NKAIN2: variants seen among roughly 807,000 people sequenced by gnomAD.
NKAIN2 encodes the protein sodium/potassium-transporting ATPase subunit beta-1-interacting protein 2.
A neutral mutation model predicts 32.6 loss-of-function variants in NKAIN2; 14 were observed. The ratio of observed to expected loss-of-function variants is 0.43; its 90% CI spans 0.28 to 0.67. NKAIN2 has a LOEUF of 0.67. Ranked by LOEUF, NKAIN2 falls within the 30% of genes least tolerant of loss-of-function variation. The pLI is 0.17. For synonymous variants in NKAIN2, 80 were observed against 87.2 expected, an observed-to-expected ratio of 0.92 and a Z score of 0.46; for missense variants, 198 against 258.3, an observed-to-expected ratio of 0.77 and a Z score of 1.60.
intron 1 of NKAIN2, among the ~76,000 whole-genome samples, chr6:124,041,223 T>C (rs1378654974): frequency 2.0e-5 from 3 of 152,000 alleles, no homozygotes; most frequent in Admixed American, 6.6e-5. Context: ...ATCACTCCTG[T>C]AAACATTATC....
rs574913211 is a variant in NKAIN2, at chr6:123,954,237, A to G, written c.54+149983A>G. ...TTCAATACGGTGCCTTGCTGTAGCTATTTAGGACTCGGGGTGTGTGTGGGA... is the reference window on the plus strand; with the variant it reads ...TTCAATACGGTGCCTTGCTGTAGCTGTTTAGGACTCGGGGTGTGTGTGGGA... On this transcript the variant is annotated intron_variant, in intron 1 of 6. Coordinates refer to ENST00000368417, the MANE Select transcript of NKAIN2 (RefSeq NM_001040214.3). Among the ~76,000 whole-genome samples the G allele has an allele frequency of 4.6e-5, 7 of 152,284 alleles. No individual in the cohort carries two copies. The East Asian group carries it at 9.7e-4, about 21-fold the overall frequency.
chr6:124,418,925 C>T (rs1182444603), intron 3 of NKAIN2, among the ~76,000 whole-genome samples: 2 of 152,050 alleles, frequency 1.3e-5, no homozygotes, highest in Non-Finnish European at 2.9e-5. Flanking sequence ...TCTCAGGGGA[C>T]TTTACATCTT....
chr6:124,239,764 A>G (rs541608207), intron 1 of NKAIN2, among the ~76,000 whole-genome samples: 89 of 152,358 alleles, frequency 5.8e-4, no homozygotes, highest in African/African-American at 2.1e-3. Context: ...AGGGAAATTT[A>G]TAGCACTAAA....
chr6:123,954,066 C>G (rs796362720), intron 1 of NKAIN2, among the ~76,000 whole-genome samples: 1 of 152,316 alleles, frequency 6.6e-6, no homozygotes, highest in East Asian at 1.9e-4. Flanking sequence ...GGCCCATGCT[C>G]CAATGACTCA....
chr6:123,978,408 T>G (rs565616653), intron 1 of NKAIN2, among the ~76,000 whole-genome samples: 2 of 152,302 alleles, frequency 1.3e-5, no homozygotes, highest in African/African-American at 4.8e-5. Context: ...GTCAATTAAA[T>G]GTCATACTTT....
At chr6:124,641,148 G>A (rs536765469) in intron 3 of NKAIN2, among the ~76,000 whole-genome samples, 1 of 152,252 alleles carries the variant, frequency 6.6e-6, no homozygotes, top group South Asian at 2.1e-4. Context: ...GTTTGAAAAG[G>A]AATGGAATTA....
rs565664597 is a variant in NKAIN2, at chr6:123,804,032, G to C, written c.-169G>C. On this transcript the variant is annotated 5_prime_UTR_variant, in exon 1 of 7. Coordinates refer to ENST00000368417, the MANE Select transcript of NKAIN2 (RefSeq NM_001040214.3). ...TGCCGCCGCCGCCGCCGCCGCGCCA[G>C]CAGGTCCTAATGCCTGTCACTTCCC... 1 of 674,702 alleles carries C rather than the reference G, an allele frequency of 1.5e-6. No individual in the cohort carries two copies. The highest frequency in any genetic ancestry group is 2.6e-5 in the East Asian group (1 of 39,098). 41.8% of individuals were successfully genotyped at this position (674,702 alleles called of 1,614,324 possible).
intron 1 of NKAIN2, among the ~76,000 whole-genome samples, chr6:123,906,756 A>G (rs999149816): frequency 2.6e-5 from 4 of 152,190 alleles, no homozygotes; most frequent in African/African-American, 7.2e-5. Context: ...GTGGGTTACT[A>G]TGGAAAATTT....
At chr6:123,971,900 A>C (rs977121614) in intron 1 of NKAIN2, among the ~76,000 whole-genome samples, 9 of 152,178 alleles carry the variant, frequency 5.9e-5, no homozygotes, top group African/African-American at 9.7e-5. Flanking sequence ...GAGTCTGGAC[A>C]AGTAAAATAC....
intron 1 of NKAIN2, among the ~76,000 whole-genome samples, chr6:123,914,970 C>T (rs1775415046): frequency 6.6e-6 from 1 of 152,252 alleles, no homozygotes; most frequent in South Asian, 2.1e-4. Context: ...GCCCACCTCA[C>T]ATTTACTGAA....
intron 1 of NKAIN2, among the ~76,000 whole-genome samples, chr6:124,279,147 G>T (rs1248545705): frequency 2.0e-5 from 3 of 152,092 alleles, no homozygotes; most frequent in South Asian, 2.1e-4. Context: ...GTTAGCAGTA[G>T]CTCCCCAAAT....
chr6:124,601,090 A>G (rs1782287316), intron 3 of NKAIN2, among the ~76,000 whole-genome samples: 1 of 152,082 alleles, frequency 6.6e-6, no homozygotes, highest in African/African-American at 2.4e-5. Flanking sequence ...CATTTACACT[A>G]GAGGAAAGAG....
At chr6:124,678,375 TTCC>T (rs1388539705) in intron 4 of NKAIN2, among the ~76,000 whole-genome samples, 1 of 152,086 alleles carries the variant, frequency 6.6e-6, no homozygotes, top group African/African-American at 2.4e-5. Flanking sequence ...GTACCATAAG[TTCC>T]TTAAGCTTTC....
At chr6:124,806,340 T>C (rs938469241) in intron 5 of NKAIN2, among the ~76,000 whole-genome samples, 31 of 152,136 alleles carry the variant, frequency 2.0e-4, no homozygotes, top group African/African-American at 7.0e-4. Context: ...ATATTCAACA[T>C]ACTTAAAGAA....
At chr6:124,465,630 T>TA (rs5879736) in intron 3 of NKAIN2, among the ~76,000 whole-genome samples, 21,090 of 140,740 alleles carry the variant, frequency 0.15, 2,769 homozygotes, top group African/African-American at 0.36. Context: ...AAAGTAAAGT[T>TA]AAAAAAAAAA....
At chr6:124,326,345 G>C (rs987891879) in intron 2 of NKAIN2, among the ~76,000 whole-genome samples, 2 of 151,862 alleles carry the variant, frequency 1.3e-5, no homozygotes, top group African/African-American at 4.8e-5. Context: ...CTTTTAGTAA[G>C]AGATTCCTGT....
chr6:124,513,197 G>A (rs1315201452), intron 3 of NKAIN2, among the ~76,000 whole-genome samples: 2 of 152,062 alleles, frequency 1.3e-5, no homozygotes, highest in Non-Finnish European at 2.9e-5. Flanking sequence ...TCTAATACGT[G>A]ACTAAAAGCA....
chr6:124,397,618 C>T (rs1413904889), intron 3 of NKAIN2, among the ~76,000 whole-genome samples: 2 of 149,384 alleles, frequency 1.3e-5, no homozygotes, highest in Non-Finnish European at 3.0e-5. Flanking sequence ...CTAGAGTGGG[C>T]GTTGAAATGT....
At chr6:124,743,049 A>G (rs908290110) in intron 4 of NKAIN2, among the ~76,000 whole-genome samples, 18 of 151,908 alleles carry the variant, frequency 1.2e-4, no homozygotes. Context: ...TGTCCAGCAC[A>G]TTGTAGGCCA....
Sources: allele counts gnomAD v4.1 joint callset (sites outside exome capture counted in the v4.1 genomes callset), GRCh38; gene constraint gnomAD v4.1.1; transcripts MANE v1.5; gene names NCBI Gene and HGNC (gene_info 2026-07-23, HGNC 2026-07-21).